ENTPD5: variants seen among roughly 807,000 people sequenced by gnomAD.
The protein encoded by ENTPD5 is ectonucleoside triphosphate diphosphohydrolase 5 (inactive).
A neutral mutation model predicts 60.2 loss-of-function variants in ENTPD5; 49 were observed. The ratio of observed to expected loss-of-function variants is 0.81; its 90% CI spans 0.65 to 1.03. ENTPD5 has a LOEUF of 1.03. Ranked by LOEUF, ENTPD5 falls within the 50% of genes least tolerant of loss-of-function variation. The pLI, the probability that ENTPD5 is intolerant of heterozygous loss-of-function variation, is 0.00. For synonymous variants in ENTPD5, 187 were observed against 185.4 expected (o/e 1.01, Z -0.07); for missense variants, 480 against 507.6 (o/e 0.95, Z 0.52).
Position 73,965,310 on chromosome 14 carries a change from G to C in ENTPD5, c.*1618C>G, listed in dbSNP as rs984020608. The C allele has an allele frequency of 2.0e-5, 3 of 152,162 alleles. No homozygotes were observed. Among genetic ancestry groups the C allele is most frequent in the Non-Finnish European group, 4.4e-5 (3 of 68,072 alleles). The allele number at this position is 152,162 out of a possible 1,614,324, so 9.4% of individuals were successfully genotyped here. ...TCTACTGTGAAAGCCACAAGTTTTGGGGAAATACACTCCTGCAAAGAAGCT... is the reference window on the plus strand; with the variant it reads ...TCTACTGTGAAAGCCACAAGTTTTGCGGAAATACACTCCTGCAAAGAAGCT... On this transcript the variant is annotated 3_prime_UTR_variant, in exon 16 of 16. Transcript: ENST00000334696.
intron 3 of ENTPD5, among the ~76,000 whole-genome samples, chr14:73,998,404 A>G (rs1464302093): frequency 6.6e-6 from 1 of 151,740 alleles, no homozygotes; most frequent in Non-Finnish European, 1.5e-5. Context: ...TTCTTTCGAA[A>G]CAGATCCTTT....
downstream of ENTPD5, among the ~76,000 whole-genome samples, chr14:73,962,217 A>C (rs1486874683): frequency 6.6e-6 from 1 of 152,034 alleles, no homozygotes; most frequent in Non-Finnish European, 1.5e-5. Context: ...AAGTGCTGGG[A>C]TTACAGGCGT....
At chr14:73,959,705 G>A, downstream of ENTPD5, 1 of 1,239,676 alleles carries the variant, frequency 8.1e-7, no homozygotes, top group East Asian at 2.5e-5. Flanking sequence ...AAGTAGCTGG[G>A]ACTACAGGCA....
At chr14:73,988,477 G>A (rs1445928711) in intron 3 of ENTPD5, among the ~76,000 whole-genome samples, 1 of 152,170 alleles carries the variant, frequency 6.6e-6, no homozygotes, top group Non-Finnish European at 1.5e-5. Flanking sequence ...GATCAAATCA[G>A]AGAATCTAGG....
chr14:73,995,575 A>T (rs564094417), intron 3 of ENTPD5, among the ~76,000 whole-genome samples: 2 of 137,914 alleles, frequency 1.5e-5, no homozygotes, highest in African/African-American at 2.8e-5. Flanking sequence ...ATAGAGAGAG[A>T]CTCTATCTCA....
At chr14:73,960,566 C>T, downstream of ENTPD5, 1 of 1,009,726 alleles carries the variant, frequency 9.9e-7, no homozygotes, top group Non-Finnish European at 1.2e-6. Flanking sequence ...ATTCCTGGCA[C>T]AGGTCTAGGT....
At position 73,966,125 on chromosome 14, in the gene ENTPD5, C is replaced by T. The variant is rs1044260703; in HGVS notation, c.*803G>A. On this transcript the variant is annotated 3_prime_UTR_variant, in exon 16 of 16. Coordinates refer to ENST00000334696, the MANE Select transcript of ENTPD5 (RefSeq NM_001249.5). ...AAAACAAGTTTAGAATCATAGAAAA[C>T]ACTGTTAACACATTAGCCTGGGAGG... 1.3e-5 allele frequency: 2 copies of T among 152,184 alleles called. No homozygotes were observed. The highest frequency in any genetic ancestry group is 2.4e-5 in the African/African-American group (1 of 41,450). 9.4% of individuals were successfully genotyped at this position (152,184 alleles called of 1,614,324 possible).
chr14:74,006,234 C>T (rs1344866215), intron 3 of ENTPD5, among the ~76,000 whole-genome samples: 1 of 151,124 alleles, frequency 6.6e-6, no homozygotes, highest in Non-Finnish European at 1.5e-5. Context: ...ATCCACCTAC[C>T]TTGGACTCCC....
chr14:73,999,256 A>G (rs7157168), intron 3 of ENTPD5, among the ~76,000 whole-genome samples: 106,780 of 150,342 alleles, frequency 0.71, 38,055 homozygotes, highest in South Asian at 0.78. Context: ...GGGAGGCCAA[A>G]GTGGGTGGAT....
chr14:73,959,344 T>A, downstream of ENTPD5: 1 of 1,614,168 alleles, frequency 6.2e-7, no homozygotes, highest in Non-Finnish European at 8.5e-7. Context: ...TCCCTTTTTG[T>A]CTTTTTATGC....
chr14:74,003,584 TC>T lies in ENTPD5; in HGVS notation c.-71+7506del, dbSNP rs1469386068. Reference sequence around the variant, plus strand: ...ACTGCATGCTATTGTGTAGAGCTTGTCTCAATGGATCCAGAACTTCACCGCC... The same window carrying T: ...ACTGCATGCTATTGTGTAGAGCTTGTTCAATGGATCCAGAACTTCACCGCC... On this transcript the variant is annotated intron_variant, in intron 3 of 15. Transcript: ENST00000334696. The T allele has an allele frequency of 5.1e-5, 30 of 585,674 alleles. 1 individual carries two copies. The Admixed American group carries it at 6.7e-4, about 13-fold the overall frequency. 36.3% of individuals were successfully genotyped at this position (585,674 alleles called of 1,614,324 possible).
At chr14:73,958,300 C>T (rs1266747550), downstream of ENTPD5, 1 of 1,613,398 alleles carries the variant, frequency 6.2e-7, no homozygotes, top group Non-Finnish European at 8.5e-7. Context: ...TCTTATTTTG[C>T]TAGGGGTCTT....
chr14:73,955,433 A>C, downstream of ENTPD5: 1 of 1,611,388 alleles, frequency 6.2e-7, no homozygotes, highest in Non-Finnish European at 8.5e-7. Context: ...TCTGGTCTAT[A>C]GATCCTTTCT....
intron 6 of ENTPD5, among the ~76,000 whole-genome samples, chr14:73,977,799 C>T (rs1414565693): frequency 6.6e-6 from 1 of 152,144 alleles, no homozygotes; most frequent in African/African-American, 2.4e-5. Flanking sequence ...GAAGTTCACA[C>T]CTAAGGGCTG....
chr14:74,012,304 A>AT (rs2058871664), intron 2 of ENTPD5, among the ~76,000 whole-genome samples: 1 of 151,520 alleles, frequency 6.6e-6, no homozygotes, highest in Non-Finnish European at 1.5e-5. Context: ...GGGGGGTTTC[A>AT]TTATGTTGGC....
In ENTPD5 at chr14:73,965,624, G is replaced by A. The variant is rs1490694397; in HGVS notation, c.*1304C>T. 1 of 152,238 alleles carries A rather than the reference G, an allele frequency of 6.6e-6. No homozygotes were observed. Among genetic ancestry groups the A allele is most frequent in the Non-Finnish European group, 1.5e-5 (1 of 68,116 alleles). The allele number at this position is 152,238 out of a possible 1,614,324, so 9.4% of individuals were successfully genotyped here. ...TGTAATCCCAGCTCTTCAGGAGGCT[G>A]AGAACAAGAATCGCTTGAACCTGGG... is the stretch of plus-strand genomic sequence containing the variant. On this transcript the variant is annotated 3_prime_UTR_variant, in exon 16 of 16. Transcript: ENST00000334696.
At chr14:73,959,223 C>T (rs371260604), downstream of ENTPD5, 151 of 1,614,094 alleles carry the variant, frequency 9.4e-5, no homozygotes, top group Non-Finnish European at 1.2e-4. Flanking sequence ...GCTCTGCTCC[C>T]GGTAAGAGGT....
intron 3 of ENTPD5, among the ~76,000 whole-genome samples, chr14:73,994,270 C>A (rs1217349024): frequency 6.6e-6 from 1 of 151,834 alleles, no homozygotes; most frequent in Non-Finnish European, 1.5e-5. Context: ...GGATTACAGG[C>A]GCATACCACC....
In ENTPD5 at chr14:73,972,869, C is replaced by A. The variant is rs1178667163; in HGVS notation, c.1027+15G>T. 6.2e-7 allele frequency: 1 copy of A among 1,613,522 alleles called. No homozygotes were observed. The highest frequency in any genetic ancestry group is 1.1e-5 in the South Asian group (1 of 91,002). On this transcript the variant is annotated intron_variant, in intron 13 of 15. Transcript: ENST00000334696. Reference sequence around the variant, plus strand: ...TCCACCTTCCTCTCTGGACTGACACCTGGGGTGAACTCACCAATCATGTCT... The same window carrying A: ...TCCACCTTCCTCTCTGGACTGACACATGGGGTGAACTCACCAATCATGTCT...
Sources: gnomAD v4.1 joint callset for allele counts (sites outside exome capture counted in the v4.1 genomes callset) on GRCh38, gnomAD v4.1.1 for gene constraint, MANE v1.5 for transcripts, NCBI Gene and HGNC (gene_info 2026-07-23, HGNC 2026-07-21) for gene names.